GNAQ: variants seen among roughly 807,000 people sequenced by gnomAD.
GNAQ encodes the protein G protein subunit alpha q.
GNAQ carries 8 observed loss-of-function variants against 43.9 expected under a neutral mutation model. The ratio of observed to expected loss-of-function variants is 0.18; its 90% CI spans 0.11 to 0.33. The LOEUF is 0.33. Among genes scored for constraint, GNAQ ranks in the 10% least tolerant of loss-of-function variants. The probability of loss-of-function intolerance (pLI) is 1.00; values close to 1 mark genes in which losing one functional copy is unlikely to be tolerated. For synonymous variants in GNAQ, 155 were observed against 170.7 expected (o/e 0.91, Z 0.71); for missense variants, 158 against 450.8 (o/e 0.35, Z 5.88).
intron 5 of GNAQ, among the ~76,000 whole-genome samples, chr9:77,764,870 A>T (rs10869966): frequency 0.56 from 85,429 of 152,108 alleles, 27,150 homozygotes; most frequent in Non-Finnish European, 0.72. Flanking sequence ...ATCTTGGGGA[A>T]GTCATTTGCC....
intron 1 of GNAQ, among the ~76,000 whole-genome samples, chr9:77,974,186 T>A (rs1284904732): frequency 1.3e-5 from 2 of 152,138 alleles, no homozygotes; most frequent in African/African-American, 4.8e-5. Flanking sequence ...ACTCGCCATA[T>A]ATCAACAGAG....
At chr9:77,789,911 G>A (rs1276255253) in intron 5 of GNAQ, among the ~76,000 whole-genome samples, 1 of 151,904 alleles carries the variant, frequency 6.6e-6, no homozygotes, top group Non-Finnish European at 1.5e-5. Flanking sequence ...TCTAGCGTAA[G>A]GGAAGCAAGG....
intron 5 of GNAQ, among the ~76,000 whole-genome samples, chr9:77,781,135 T>C (rs1226898081): frequency 1.3e-5 from 2 of 152,084 alleles, no homozygotes; most frequent in Non-Finnish European, 1.5e-5. Context: ...TTTGCTTTTG[T>C]TGCCTGTGGT....
At chr9:77,723,405 G>C (rs936239885) in intron 6 of GNAQ, among the ~76,000 whole-genome samples, 1 of 152,172 alleles carries the variant, frequency 6.6e-6, no homozygotes, top group Admixed American at 6.5e-5. Context: ...ATATCTAAAG[G>C]AATTGAGAGC....
intron 5 of GNAQ, 59 bp downstream of exon 5, chr9:77,794,404 T>A (rs2118442104): frequency 8.3e-7 from 1 of 1,201,596 alleles, no homozygotes. Context: ...CTACTTTCTA[T>A]CATTTACTTG....
intron 5 of GNAQ, among the ~76,000 whole-genome samples, chr9:77,770,562 A>C (rs1291715494): frequency 6.6e-6 from 1 of 152,260 alleles, no homozygotes; most frequent in Non-Finnish European, 1.5e-5. Context: ...CTTCGGAAGC[A>C]GCTCTACTTC....
chr9:77,849,043 C>T (rs758691755), intron 2 of GNAQ, among the ~76,000 whole-genome samples: 3 of 152,152 alleles, frequency 2.0e-5, no homozygotes, highest in African/African-American at 7.2e-5. Context: ...GAGGAAAATT[C>T]GAGCTCAGTG....
intron 5 of GNAQ, among the ~76,000 whole-genome samples, chr9:77,729,363 T>A (rs1337855997): frequency 6.6e-6 from 1 of 152,196 alleles, no homozygotes; most frequent in Non-Finnish European, 1.5e-5. Context: ...CATCTGTGAG[T>A]AAGTGTTCTC....
chr9:77,820,300 C>T (rs1013898487), intron 2 of GNAQ, among the ~76,000 whole-genome samples: 2 of 152,118 alleles, frequency 1.3e-5, no homozygotes, highest in Admixed American at 6.6e-5. Flanking sequence ...AAAACTTGGA[C>T]GTGAACTGTA....
chr9:77,993,954 A>G (rs1355546631), intron 1 of GNAQ, among the ~76,000 whole-genome samples: 1 of 152,192 alleles, frequency 6.6e-6, no homozygotes, highest in Non-Finnish European at 1.5e-5. Flanking sequence ...AAACCATCTC[A>G]TAATTTTCCC....
At chr9:77,866,848 C>T (rs10869980) in intron 2 of GNAQ, among the ~76,000 whole-genome samples, 1 of 152,010 alleles carries the variant, frequency 6.6e-6, no homozygotes, top group African/African-American at 2.4e-5. Flanking sequence ...TTTATTAAAA[C>T]ACAGTCGTCA....
intron 1 of GNAQ, among the ~76,000 whole-genome samples, chr9:77,956,641 G>C (rs976271535): frequency 1.2e-4 from 18 of 152,156 alleles, no homozygotes; most frequent in African/African-American, 4.3e-4. Context: ...TGAGTACAGA[G>C]CCCCAGGAAG....
At chr9:77,838,948 C>T (rs1162364373) in intron 2 of GNAQ, among the ~76,000 whole-genome samples, 1 of 152,024 alleles carries the variant, frequency 6.6e-6, no homozygotes, top group Admixed American at 6.6e-5. Context: ...TGTAAAAAAA[C>T]TCCCAAAACT....
chr9:78,024,751 CACA>C (rs1823956488), intron 1 of GNAQ, among the ~76,000 whole-genome samples: 1 of 152,040 alleles, frequency 6.6e-6, no homozygotes, highest in Non-Finnish European at 1.5e-5. Flanking sequence ...TCTCACACAG[CACA>C]TTATTTGGCA....
At chr9:78,022,010 T>C (rs1037169245) in intron 1 of GNAQ, among the ~76,000 whole-genome samples, 5 of 152,190 alleles carry the variant, frequency 3.3e-5, no homozygotes, top group Non-Finnish European at 7.3e-5. Context: ...TGTGAAGACA[T>C]TGCAAACTAT....
intron 3 of GNAQ, among the ~76,000 whole-genome samples, chr9:77,815,361 T>C (rs1029762357): frequency 7.2e-5 from 11 of 152,160 alleles, no homozygotes; most frequent in African/African-American, 2.7e-4. Context: ...TGAAATCAGA[T>C]TCCTAGAGTC....
At chr9:77,949,264 G>A (rs780876439) in intron 1 of GNAQ, among the ~76,000 whole-genome samples, 1 of 152,194 alleles carries the variant, frequency 6.6e-6, no homozygotes, top group Admixed American at 6.5e-5. Flanking sequence ...CAGCCCTGGT[G>A]CAGAGGCAAG....
chr9:78,017,208 T>C (rs529555406), intron 1 of GNAQ, among the ~76,000 whole-genome samples: 407 of 152,338 alleles, frequency 2.7e-3, no homozygotes, highest in Non-Finnish European at 4.5e-3. Flanking sequence ...ATCTGCCAAT[T>C]TCTGTGGTGT....
chr9:77,848,209 A>G (rs945820680), intron 2 of GNAQ, among the ~76,000 whole-genome samples: 5 of 152,196 alleles, frequency 3.3e-5, no homozygotes, highest in Non-Finnish European at 7.4e-5. Flanking sequence ...AACATCTTCT[A>G]CAGAGCTTTC....
Sources: allele counts gnomAD v4.1 joint callset (sites outside exome capture counted in the v4.1 genomes callset), GRCh38; gene constraint gnomAD v4.1.1; transcripts MANE v1.5; gene names NCBI Gene and HGNC (gene_info 2026-07-23, HGNC 2026-07-21).